DYNC2I2: variants seen among roughly 807,000 people sequenced by gnomAD.
The protein encoded by DYNC2I2 is cytoplasmic dynein 2 intermediate chain 2.
A neutral mutation model predicts 52.0 loss-of-function variants in DYNC2I2; 39 were observed. The ratio of observed to expected loss-of-function variants is 0.75; its 90% CI spans 0.58 to 0.98. The LOEUF (loss-of-function observed/expected upper bound fraction) is 0.98, where lower values mean the gene tolerates loss of function less well. Among genes scored for constraint, DYNC2I2 ranks in the 50% least tolerant of loss-of-function variants. The pLI is 0.00. For synonymous variants in DYNC2I2, 359 were observed against 321.1 expected, an observed-to-expected ratio of 1.12 and a Z score of -1.26; for missense variants, 743 against 728.4, an observed-to-expected ratio of 1.02 and a Z score of -0.23.
At chr9:128,681,437 C>T in the DYNC2I2 span, among the ~76,000 whole-genome samples, 1 of 152,328 alleles carries the variant, frequency 6.6e-6, no homozygotes, top group East Asian at 1.9e-4. Context: ...GAATATCTCA[C>T]AATGTATTCA....
chr9:128,641,025 C>A lies in DYNC2I2; in HGVS notation c.187-86G>T, dbSNP rs550919507. ...CCCCCTGCCTGCCCCTCCTGCTTGA[C>A]CCCCTCCTTGCTGCTGTGGGTCTCA... On this transcript the variant is annotated intron_variant, in intron 1 of 8. Transcript: ENST00000372715. 4.1e-6 allele frequency: 6 copies of A among 1,472,604 alleles called. No individual in the cohort carries two copies. In the South Asian group the frequency reaches 7.0e-5, roughly 17 times the overall value. The allele number at this position is 1,472,604 out of a possible 1,614,324, so 91.2% of individuals were successfully genotyped here.
chr9:128,642,871 G>A (rs1860544641), intron 1 of DYNC2I2, among the ~76,000 whole-genome samples: 1 of 152,160 alleles, frequency 6.6e-6, no homozygotes, highest in Non-Finnish European at 1.5e-5. Context: ...ATAGGGGTGG[G>A]GAGAGATGAA....
At chr9:128,644,399 C>G (rs2132164157) in intron 1 of DYNC2I2, among the ~76,000 whole-genome samples, 2 of 152,066 alleles carry the variant, frequency 1.3e-5, no homozygotes, top group Middle Eastern at 3.4e-3. Flanking sequence ...CTCAGCCCCC[C>G]AAGTAGCTGG....
the DYNC2I2 span, among the ~76,000 whole-genome samples, chr9:128,668,909 A>C: frequency 2.6e-5 from 4 of 151,934 alleles, no homozygotes; most frequent in Non-Finnish European, 5.9e-5. Context: ...TATGGAGGTC[A>C]AAATATGCTA....
rs868854487 is a variant in DYNC2I2, at chr9:128,649,710, C to A, written c.186+6831G>T. 3.6e-3 allele frequency among the ~76,000 whole-genome samples: 161 copies of A among 45,220 alleles called. 2 individuals carry two copies. Among genetic ancestry groups the A allele is most frequent in the South Asian group, 8.4e-3 (14 of 1,670 alleles). 29.7% of individuals were successfully genotyped at this position (45,220 alleles called of 152,430 possible). ...TCTCAAAAAAAAAAAAAAAAAAAAA[C>A]TGGGCCAGGTGCAGTGGCTCACACC... On this transcript the variant is annotated intron_variant, in intron 1 of 8. Transcript: ENST00000372715.
At chr9:128,668,689 ATG>A in the DYNC2I2 span, among the ~76,000 whole-genome samples, 1 of 151,706 alleles carries the variant, frequency 6.6e-6, no homozygotes, top group Non-Finnish European at 1.5e-5. Context: ...GGATGGTGGC[ATG>A]CACCTGTAAT....
chr9:128,670,508 C>T, the DYNC2I2 span, among the ~76,000 whole-genome samples: 4 of 151,140 alleles, frequency 2.6e-5, no homozygotes, highest in African/African-American at 7.3e-5. Flanking sequence ...GAGGCTGAGG[C>T]GGGCAGATCA....
intron 1 of DYNC2I2, among the ~76,000 whole-genome samples, chr9:128,656,141 C>A (rs531193919): frequency 1.3e-5 from 2 of 148,988 alleles, no homozygotes; most frequent in South Asian, 4.3e-4. Context: ...GCACCGGGGG[C>A]TGAGGCTGCA....
the DYNC2I2 span, among the ~76,000 whole-genome samples, chr9:128,667,883 C>A: frequency 7.1e-6 from 1 of 141,132 alleles, no homozygotes; most frequent in Non-Finnish European, 1.5e-5. Flanking sequence ...CAGGTGCGTG[C>A]CATCATGCCC....
chr9:128,653,216 G>A (rs1030953612), intron 1 of DYNC2I2, among the ~76,000 whole-genome samples: 6 of 150,854 alleles, frequency 4.0e-5, no homozygotes, highest in African/African-American at 1.2e-4. Context: ...GCAACAAAGC[G>A]AGACTCCGTC....
chr9:128,655,782 C>A (rs896884107), intron 1 of DYNC2I2, among the ~76,000 whole-genome samples: 1 of 147,072 alleles, frequency 6.8e-6, no homozygotes, highest in South Asian at 2.2e-4. Flanking sequence ...GTGCTGGCGG[C>A]CGCCTGTAGT....
intron 1 of DYNC2I2, among the ~76,000 whole-genome samples, chr9:128,648,892 T>C (rs572901369): frequency 1.3e-5 from 2 of 151,710 alleles, no homozygotes; most frequent in East Asian, 3.9e-4. Context: ...GCTAGGCAGC[T>C]AGGTCAATTC....
the DYNC2I2 span, chr9:128,663,641 GTTT>G: frequency 7.5e-6 from 1 of 134,128 alleles, no homozygotes; most frequent in East Asian, 2.2e-4. Context: ...ATCTATTATA[GTTT>G]TTTTCTTTTT....
chr9:128,657,967 C>G (rs1564347279), upstream of DYNC2I2, among the ~76,000 whole-genome samples: 1 of 152,062 alleles, frequency 6.6e-6, no homozygotes, highest in Non-Finnish European at 1.5e-5. Flanking sequence ...GTGGCACACA[C>G]CTGTAGTCCC....
chr9:128,662,369 G>A, the DYNC2I2 span, among the ~76,000 whole-genome samples: 1 of 151,824 alleles, frequency 6.6e-6, no homozygotes, highest in Non-Finnish European at 1.5e-5. Flanking sequence ...AAAGCAGCAG[G>A]ATATTCATAA....
chr9:128,642,476 A>T (rs1860533524), intron 1 of DYNC2I2, among the ~76,000 whole-genome samples: 1 of 108,608 alleles, frequency 9.2e-6, no homozygotes, highest in East Asian at 2.5e-4. Context: ...AAAAAAAAAA[A>T]ATTACTTATT....
rs1160340865 is a variant in DYNC2I2 at position 128,653,733 on chromosome 9, C to T, written c.186+2808G>A. ...TCTGTCTCCAAAAAAAAACCCAGGC[C>T]GGGCGCAGTGGCTCACGCCTGTAAT... is the stretch of plus-strand genomic sequence containing the variant. On this transcript the variant is annotated intron_variant, in intron 1 of 8. Transcript: ENST00000372715. Among the ~76,000 whole-genome samples, 8 of 150,270 alleles carry T rather than the reference C, an allele frequency of 5.3e-5. 1 individual carries two copies. Among genetic ancestry groups the T allele is most frequent in the African/African-American group, 2.0e-4 (8 of 40,592 alleles).
Position 128,634,297 on chromosome 9 carries a change from G to A in DYNC2I2, c.1301C>T (p.Ser434Phe). The A allele has an allele frequency of 6.2e-7, 1 of 1,613,746 alleles. No individual in the cohort carries two copies. The highest frequency in any genetic ancestry group is 8.5e-7 in the Non-Finnish European group (1 of 1,179,946). The change falls in exon 8 of 9, where the codon TCC (serine) becomes TTC (phenylalanine). Residue 434 changes from serine (S) to phenylalanine (F), a missense_variant. Coordinates refer to ENST00000372715, the MANE Select transcript of DYNC2I2 (RefSeq NM_052844.4). ...QAPPLTSLQL[S>F]LKYLFAVRWS... ...GCGCACAGCAAACAGATACTTGAGG[G>A]AGAGCTGCAGCGAAGTCAAGGGAGG...
At chr9:128,635,582 A>ACCTTCCTAGGAGAGTGGGCGC in intron 5 of DYNC2I2, 76 bp downstream of exon 5, 1 of 1,345,226 alleles carries the variant, frequency 7.4e-7, no homozygotes, top group Non-Finnish European at 1.0e-6. Flanking sequence ...CGCCCGGGTG[A>ACCTTCCTAGGAGAGTGGGCGC]CCTTCCTAGG....
Sources: gnomAD v4.1 joint callset for allele counts (sites outside exome capture counted in the v4.1 genomes callset) on GRCh38, gnomAD v4.1.1 for gene constraint, MANE v1.5 for transcripts, NCBI Gene and HGNC (gene_info 2026-07-23, HGNC 2026-07-21) for gene names.